Variants in RSPO2 observed in about 807,000 individuals in gnomAD.
RSPO2 encodes R-spondin 2.
In RSPO2, 14 loss-of-function variants were observed where a neutral mutation model predicts 30.9. The ratio of observed to expected loss-of-function variants is 0.45; its 90% CI spans 0.30 to 0.71. The LOEUF (loss-of-function observed/expected upper bound fraction) is 0.71. Among genes scored for constraint, RSPO2 ranks in the 30% least tolerant of loss-of-function variants. RSPO2 has a pLI of 0.08. For missense variants in RSPO2, 264 were observed against 301.9 expected, an observed-to-expected ratio of 0.87 and a Z score of 0.93; for synonymous variants, 107 against 96.4, an observed-to-expected ratio of 1.11 and a Z score of -0.64.
chr8:108,074,947 T>G (rs2130731295), intron 2 of RSPO2, among the ~76,000 whole-genome samples: 1 of 152,336 alleles, frequency 6.6e-6, no homozygotes, highest in South Asian at 2.1e-4. Context: ...TGTTCTAAAA[T>G]ACACACACAT....
chr8:107,967,208 CA>C (rs1813834847), intron 3 of RSPO2, among the ~76,000 whole-genome samples: 1 of 152,142 alleles, frequency 6.6e-6, no homozygotes, highest in Non-Finnish European at 1.5e-5. Context: ...CCAAAACATT[CA>C]AAATTAGACT....
At chr8:108,006,439 G>A (rs1157373425) in intron 2 of RSPO2, among the ~76,000 whole-genome samples, 4 of 152,024 alleles carry the variant, frequency 2.6e-5, no homozygotes, top group African/African-American at 9.7e-5. Flanking sequence ...AGATGAAAGG[G>A]ATAGGAAGAC....
intron 5 of RSPO2, among the ~76,000 whole-genome samples, chr8:107,945,292 A>G (rs1242743265): frequency 8.7e-6 from 1 of 115,144 alleles, no homozygotes; most frequent in Non-Finnish European, 1.6e-5. Flanking sequence ...TCTGTCACCC[A>G]GGCTGGAGTG....
chr8:107,947,473 C>T (rs1285271125), intron 5 of RSPO2, among the ~76,000 whole-genome samples: 1 of 152,124 alleles, frequency 6.6e-6, no homozygotes, highest in Non-Finnish European at 1.5e-5. Flanking sequence ...AGAGAATGGC[C>T]TGGCTTAGAA....
intron 2 of RSPO2, among the ~76,000 whole-genome samples, chr8:108,031,889 C>A (rs970630543): frequency 6.6e-6 from 1 of 151,934 alleles, no homozygotes; most frequent in African/African-American, 2.4e-5. Context: ...AGGATTGATG[C>A]CCCACACCTT....
intron 2 of RSPO2, among the ~76,000 whole-genome samples, chr8:108,075,915 G>C (rs1812999636): frequency 2.0e-5 from 3 of 152,120 alleles, no homozygotes; most frequent in African/African-American, 7.2e-5. Context: ...AGTTTGAGGA[G>C]TACAAAGATA....
Position 108,024,705 on chromosome 8 carries a change from C to T in RSPO2, c.95-35461G>A, listed in dbSNP as rs545265771. Reference sequence around the variant, plus strand: ...TCTTTAGAATCATGTTAATATTTTACGTACTCAACAGATAATAAACACAAC... The same window carrying T: ...TCTTTAGAATCATGTTAATATTTTATGTACTCAACAGATAATAAACACAAC... On this transcript the variant is annotated intron_variant, in intron 2 of 5. Coordinates refer to ENST00000276659, the MANE Select transcript of RSPO2 (RefSeq NM_178565.5). Among the ~76,000 whole-genome samples the T allele has an allele frequency of 9.2e-5, 14 of 152,256 alleles. No individual in the cohort carries two copies. In the South Asian group the frequency reaches 1.0e-3, roughly 11 times the overall value.
At chr8:108,063,351 ACC>A in intron 2 of RSPO2, among the ~76,000 whole-genome samples, 1 of 151,890 alleles carries the variant, frequency 6.6e-6, no homozygotes, top group Non-Finnish European at 1.5e-5. Flanking sequence ...TATAAAATCA[ACC>A]GGCAAAAATC....
intron 3 of RSPO2, among the ~76,000 whole-genome samples, chr8:107,963,036 G>A (rs2130447282): frequency 6.6e-6 from 1 of 152,172 alleles, no homozygotes; most frequent in East Asian, 1.9e-4. Context: ...ATATGGAATT[G>A]CTGAAATACC....
At chr8:107,945,516 G>C (rs1300019854) in intron 5 of RSPO2, among the ~76,000 whole-genome samples, 1 of 151,934 alleles carries the variant, frequency 6.6e-6, no homozygotes, top group African/African-American at 2.4e-5. Flanking sequence ...CCAAAGTGCT[G>C]GGATTACAGG....
intron 3 of RSPO2, among the ~76,000 whole-genome samples, chr8:107,969,455 A>G (rs1813924337): frequency 6.6e-6 from 1 of 152,160 alleles, no homozygotes; most frequent in South Asian, 2.1e-4. Context: ...GTGATATTTG[A>G]ATGTTTAAAT....
chr8:107,927,070 A>G (rs1057327680), intron 5 of RSPO2, among the ~76,000 whole-genome samples: 1 of 151,834 alleles, frequency 6.6e-6, no homozygotes, highest in African/African-American at 2.4e-5. Context: ...CTTTTATTTC[A>G]TTGAGCAGTG....
At chr8:108,015,135 T>C (rs1810843800) in intron 2 of RSPO2, among the ~76,000 whole-genome samples, 1 of 152,196 alleles carries the variant, frequency 6.6e-6, no homozygotes. Context: ...CATAAGTATA[T>C]CCTCTAATTC....
chr8:108,049,145 G>A (rs1307662446), intron 2 of RSPO2, among the ~76,000 whole-genome samples: 3 of 151,918 alleles, frequency 2.0e-5, no homozygotes, highest in Non-Finnish European at 2.9e-5. Flanking sequence ...AATACCTAAT[G>A]TAAATGATGA....
At chr8:108,008,163 A>G (rs1159892392) in intron 2 of RSPO2, among the ~76,000 whole-genome samples, 3 of 152,078 alleles carry the variant, frequency 2.0e-5, no homozygotes, top group Non-Finnish European at 4.4e-5. Context: ...GGGCCACCAT[A>G]TATGTTTACG....
rs771315758 is a variant in RSPO2, at chr8:107,958,193, C to G, written c.503G>C (p.Gly168Ala). The G allele has an allele frequency of 6.2e-7, 1 of 1,613,630 alleles. No homozygotes were observed. The highest frequency in any genetic ancestry group is 1.3e-5 in the African/African-American group (1 of 74,872). ...RNNRTCGFKW[G>A]LETRTRQIVK... Reference sequence around the variant, plus strand: ...AATTTGCCGTGTTCTGGTTTCCAGACCCCATTTAAATCCACATGTGCGATT... The same window carrying G: ...AATTTGCCGTGTTCTGGTTTCCAGAGCCCATTTAAATCCACATGTGCGATT... Residue 168 changes from glycine to alanine, a missense_variant, in exon 5 of 6, where the codon GGT (glycine) becomes GCT (alanine). Gly to Ala is a moderately conservative substitution (Grantham distance 60). Transcript: ENST00000276659.
intron 2 of RSPO2, among the ~76,000 whole-genome samples, chr8:108,022,062 T>C (rs112892183): frequency 0.017 from 2,600 of 152,184 alleles, 39 homozygotes; most frequent in South Asian, 0.03. Context: ...CACCACATCT[T>C]CTAGCTAACA....
intron 2 of RSPO2, among the ~76,000 whole-genome samples, chr8:108,009,389 A>G (rs942970424): frequency 2.0e-5 from 3 of 152,190 alleles, no homozygotes; most frequent in Non-Finnish European, 4.4e-5. Context: ...AAAATACTGA[A>G]TAACTTACAT....
At chr8:108,061,525 A>G (rs1344534845) in intron 2 of RSPO2, among the ~76,000 whole-genome samples, 1 of 151,784 alleles carries the variant, frequency 6.6e-6, no homozygotes, top group Non-Finnish European at 1.5e-5. Context: ...GAGCACCCAG[A>G]TTCATAAAGC....
Sources: gnomAD v4.1 joint callset for allele counts (sites outside exome capture counted in the v4.1 genomes callset) on GRCh38, gnomAD v4.1.1 for gene constraint, MANE v1.5 for transcripts, NCBI Gene and HGNC (gene_info 2026-07-23, HGNC 2026-07-21) for gene names.